Variants in GIMAP8 observed in about 807,000 individuals in gnomAD.
The protein encoded by GIMAP8 is GTPase, IMAP family member 8, also known as GTPase IMAP family member 8.
Under a neutral mutation model 35.6 loss-of-function variants are expected in GIMAP8, and 29 were observed. The ratio of observed to expected loss-of-function variants is 0.81; its 90% CI spans 0.61 to 1.11. The LOEUF (loss-of-function observed/expected upper bound fraction) is 1.11, where lower values mean the gene tolerates loss of function less well. GIMAP8 is among the 50% of genes most tolerant of loss of function. GIMAP8 has a pLI of 0.00. For missense variants in GIMAP8, 811 were observed against 805.0 expected, an observed-to-expected ratio of 1.01 and a Z score of -0.09; for synonymous variants, 335 against 308.7, an observed-to-expected ratio of 1.09 and a Z score of -0.89.
In GIMAP8 at chr7:150,451,523, T is replaced by A. The variant is rs1479809675; in HGVS notation, c.-29+348T>A. Among the ~76,000 whole-genome samples the A allele has an allele frequency of 1.3e-5, 2 of 151,750 alleles. No homozygotes were observed. Among genetic ancestry groups the A allele is most frequent in the Admixed American group, 1.3e-4 (2 of 15,248 alleles). On this transcript the variant is annotated intron_variant, in intron 1 of 4. Coordinates refer to ENST00000307271, the MANE Select transcript of GIMAP8 (RefSeq NM_175571.4). The surrounding 1 kb of genome is among the most constrained non-coding windows in gnomAD (Gnocchi z 4.1). Reference sequence around the variant, plus strand: ...GCATATTCCCAGACATCTATGAGAGTGGCTGTCCTAAAAGAAGGCGTGTCG... The same window carrying A: ...GCATATTCCCAGACATCTATGAGAGAGGCTGTCCTAAAAGAAGGCGTGTCG...
At position 150,452,675 on chromosome 7, in the gene GIMAP8, GATATATATATATATAT is replaced by G. The variant is rs373374121; in HGVS notation, c.-29+1520_-29+1535del. On this transcript the variant is annotated intron_variant, in intron 1 of 4. Transcript: ENST00000307271. ...TATATGTGTGTGTGTGTGTGTGTGAGATATATATATATATATATATATATATATATATATACATGCG... is the reference window on the plus strand; with the variant it reads ...TATATGTGTGTGTGTGTGTGTGTGAGATATATATATATATATATACATGCG... 1.2e-3 allele frequency among the ~76,000 whole-genome samples: 95 copies of G among 79,658 alleles called. No homozygotes were observed. In the South Asian group the frequency reaches 0.014, roughly 12 times the overall value. The allele number at this position is 79,658 out of a possible 152,430, so 52.3% of individuals were successfully genotyped here.
In GIMAP8 at chr7:150,472,082, C is replaced by T. The variant is rs942953755; in HGVS notation, c.682+1208C>T. On this transcript the variant is annotated intron_variant, in intron 3 of 4. Coordinates refer to ENST00000307271, the MANE Select transcript of GIMAP8 (RefSeq NM_175571.4). This position sits in a 1 kb window ranked among gnomAD's most constrained non-coding sequence, Gnocchi z 4.1. Reference sequence around the variant, plus strand: ...TCTGGCAATGCCCTTTGGCCGAGACCCCAGGAACACACGTGTGACTGAACA... The same window carrying T: ...TCTGGCAATGCCCTTTGGCCGAGACTCCAGGAACACACGTGTGACTGAACA... 6.6e-6 allele frequency among the ~76,000 whole-genome samples: 1 copy of T among 152,048 alleles called. No individual in the cohort carries two copies. Among genetic ancestry groups the T allele is most frequent in the African/African-American group, 2.4e-5 (1 of 41,372 alleles).
At position 150,477,373 on chromosome 7, in the gene GIMAP8, G is replaced by T. The variant is rs759390833; in HGVS notation, c.1591G>T (p.Val531Leu). The T allele has an allele frequency of 1.1e-5, 17 of 1,614,212 alleles. No individual in the cohort carries two copies. The highest frequency in any genetic ancestry group is 1.4e-5 in the Non-Finnish European group (16 of 1,180,040). Reference sequence around the variant, plus strand: ...AAAAGGGGACACATTTTTTGTCCTGGTGTTCCAGCTGGGACGATTCACTGA... The same window carrying T: ...AAAAGGGGACACATTTTTTGTCCTGTTGTTCCAGCTGGGACGATTCACTGA... ...CEKGDTFFVL[V>L]FQLGRFTEED... Residue 531 changes from valine to leucine, a missense_variant, in exon 5 of 5, where the codon GTG (valine) becomes TTG (leucine). Val to Leu is a conservative substitution (Grantham distance 32). Coordinates refer to ENST00000307271, the MANE Select transcript of GIMAP8 (RefSeq NM_175571.4).
intron 2 of GIMAP8, among the ~76,000 whole-genome samples, chr7:150,469,303 A>G (rs61423191): frequency 2.0e-5 from 3 of 152,276 alleles, no homozygotes; most frequent in African/African-American, 7.2e-5. Flanking sequence ...TCACTTCCTC[A>G]GGGAGTCCTC....
At chr7:150,454,853 C>G (rs890878205) in intron 1 of GIMAP8, among the ~76,000 whole-genome samples, 2 of 151,954 alleles carry the variant, frequency 1.3e-5, no homozygotes, top group Non-Finnish European at 2.9e-5. Flanking sequence ...TAAAACTGGT[C>G]AACAGGCCGG....
intron 2 of GIMAP8, among the ~76,000 whole-genome samples, chr7:150,470,375 CACA>C (rs2116609806): frequency 6.6e-6 from 1 of 152,130 alleles, no homozygotes; most frequent in South Asian, 2.1e-4. Flanking sequence ...TTCTTGATTC[CACA>C]ACAATAAATA....
chr7:150,470,765 TTTTC>T, intron 2 of GIMAP8, 60 bp from the exon 3 acceptor site: 6 of 736,960 alleles, frequency 8.1e-6, no homozygotes, highest in Non-Finnish European at 1.3e-5. Flanking sequence ...TTTTTTTTTT[TTTTC>T]AGTTTGTGGA....
chr7:150,455,585 C>G (rs1801714485), intron 1 of GIMAP8, among the ~76,000 whole-genome samples: 1 of 152,168 alleles, frequency 6.6e-6, no homozygotes, highest in South Asian at 2.1e-4. Flanking sequence ...GTAAATGGTG[C>G]TGGGAAGCTT....
chr7:150,459,052 G>A (rs1801788787), intron 1 of GIMAP8, among the ~76,000 whole-genome samples: 1 of 152,114 alleles, frequency 6.6e-6, no homozygotes, highest in South Asian at 2.1e-4. Context: ...TCTTTATCTG[G>A]GGAGGTGGAG....
chr7:150,467,667 T>A (rs1230713016), intron 2 of GIMAP8, among the ~76,000 whole-genome samples: 1 of 152,208 alleles, frequency 6.6e-6, no homozygotes. Flanking sequence ...TTTGTTTTAT[T>A]TTTCCCTCTT....
chr7:150,467,213 C>T lies in GIMAP8; in HGVS notation c.515C>T (p.Thr172Ile), dbSNP rs1563284474. The T allele has an allele frequency of 1.2e-6, 2 of 1,614,186 alleles. No individual in the cohort carries two copies. Residue 172 changes from threonine to isoleucine, a missense_variant, in exon 2 of 5, where the codon ACC becomes ATC. Thr to Ile is a moderately conservative substitution (Grantham distance 89). Transcript: ENST00000307271. ...CGATACTGCATTTTCAACAACAAGA[C>T]CAATAGTAAGGATGAGCAGATCACC... ...EGRYCIFNNK[T>I]NSKDEQITQV...
intron 1 of GIMAP8, among the ~76,000 whole-genome samples, chr7:150,456,787 A>G (rs962053385): frequency 3.3e-5 from 5 of 152,334 alleles, no homozygotes; most frequent in African/African-American, 4.8e-5. Context: ...TTTTTTCAAT[A>G]TGGAAAAATG....
intron 2 of GIMAP8, 74 bp from the exon 3 acceptor site, chr7:150,470,755 T>C (rs2116610554): frequency 6.5e-5 from 45 of 689,582 alleles, no homozygotes; most frequent in African/African-American, 5.7e-4. Flanking sequence ...CCTTTTTTTT[T>C]TTTTTTTTTT....
rs774028280 is a variant in GIMAP8, at chr7:150,474,475, T to C, written c.1146T>C (p.Asn382=). ...QDLDTFLRNS[N]KALYGLIQKC... ...TAGATACGTTCTTAAGAAACAGCAA[T>C]AAAGCTCTCTATGGTCTCATCCAGA... The change falls in exon 4 of 5, where the codon AAT becomes AAC. Residue 382 remains asparagine, a synonymous_variant. Coordinates refer to ENST00000307271, the MANE Select transcript of GIMAP8 (RefSeq NM_175571.4). The C allele has an allele frequency of 9.9e-6, 16 of 1,613,720 alleles. No homozygotes were observed. The highest frequency in any genetic ancestry group is 4.5e-5 in the East Asian group (2 of 44,890).
chr7:150,462,292 G>T (rs1801859437), intron 1 of GIMAP8, among the ~76,000 whole-genome samples: 1 of 152,216 alleles, frequency 6.6e-6, no homozygotes, highest in Non-Finnish European at 1.5e-5. Context: ...CAGGGGATAT[G>T]ATGGCTTAGC....
rs113309572 is a variant in GIMAP8 at position 150,472,664 on chromosome 7, T to C, written c.683-1348T>C. Among the ~76,000 whole-genome samples, 1,392 of 152,302 alleles carry C rather than the reference T, an allele frequency of 9.1e-3. 22 individuals are homozygous for C. Among genetic ancestry groups the C allele is most frequent in the African/African-American group, 0.032 (1,316 of 41,560 alleles). On this transcript the variant is annotated intron_variant, in intron 3 of 4. Transcript: ENST00000307271. This position sits in a 1 kb window ranked among gnomAD's most constrained non-coding sequence, Gnocchi z 4.1. ...AATAAATATAAAATTATTATTTTGG[T>C]AAGAATAGAGGAAATACACATGGCA...
In GIMAP8 at chr7:150,472,047, GT is replaced by G. The variant is rs1378651508; in HGVS notation, c.682+1176del. 1.7e-3 allele frequency among the ~76,000 whole-genome samples: 265 copies of G among 152,278 alleles called. No homozygotes were observed. Among genetic ancestry groups the G allele is most frequent in the African/African-American group, 5.8e-3 (241 of 41,546 alleles). ...GAAATACGTGTACTCAGGCAGAAGG[GT>G]TTCAAAATTCTGGCAATGCCCTTTG... On this transcript the variant is annotated intron_variant, in intron 3 of 4. Coordinates refer to ENST00000307271, the MANE Select transcript of GIMAP8 (RefSeq NM_175571.4). This position sits in a 1 kb window ranked among gnomAD's most constrained non-coding sequence, Gnocchi z 4.1.
intron 2 of GIMAP8, 75 bp from the exon 3 acceptor site, chr7:150,470,746 CTTTTTTTT>C (rs765100972): frequency 1.6e-4 from 77 of 467,928 alleles, no homozygotes; most frequent in Middle Eastern, 5.1e-4. Context: ...CTTCAATTTC[CTTTTTTTT>C]TTTTTTTTTT....
In GIMAP8 at chr7:150,477,689, CA is replaced by C; in HGVS notation, c.1908del (p.Gln637ArgfsTer7). ...AGTGGGTGGTCCGGGTATCCCCATA[CA>C]CAGGAGAACGTCAGCAAACTAATTA... ...KESGWSGYPH[T>X]QENVSKLIKN... On this transcript the variant is annotated frameshift_variant, in exon 5 of 5. Coordinates refer to ENST00000307271, the MANE Select transcript of GIMAP8 (RefSeq NM_175571.4). LOFTEE classifies it low-confidence loss of function (END_TRUNC). The C allele has an allele frequency of 6.2e-7, 1 of 1,614,172 alleles. No individual in the cohort carries two copies.
Sources: gnomAD v4.1 joint callset for allele counts (sites outside exome capture counted in the v4.1 genomes callset) on GRCh38, gnomAD v4.1.1 for gene constraint, Gnocchi (gnomAD v3.1) non-coding constraint, MANE v1.5 for transcripts, NCBI Gene and HGNC (gene_info 2026-07-23, HGNC 2026-07-21) for gene names.